TRRAP: variants seen among roughly 807,000 people sequenced by gnomAD.
TRRAP encodes the protein transformation/transcription domain associated protein, also known as transformation/transcription domain-associated protein.
In TRRAP, 41 loss-of-function variants were observed where a neutral mutation model predicts 438.8. The observed-to-expected ratio is 0.09, with a 90% CI of 0.07 to 0.12. The LOEUF is 0.12. Among genes scored for constraint, TRRAP ranks in the 10% least tolerant of loss-of-function variants. The probability of loss-of-function intolerance (pLI) is 1.00; values close to 1 mark genes in which losing one functional copy is unlikely to be tolerated. For synonymous variants in TRRAP, 1,994 were observed against 1,962.9 expected (o/e 1.02, Z -0.42); for missense variants, 3,122 against 5,055.1 (o/e 0.62, Z 11.60).
At chr7:98,992,269 T>C (rs1222172697) in intron 65 of TRRAP, 42 bp downstream of exon 65, 1 of 1,601,392 alleles carries the variant, frequency 6.2e-7, no homozygotes, top group South Asian at 1.1e-5. Flanking sequence ...CGGGAAGGGC[T>C]CATTCCAGGG....
At position 98,948,091 on chromosome 7, in the gene TRRAP, A is replaced by G; in HGVS notation, c.4549-130A>G. ...AAGGCTAGTAAGTTGTGGCTTTTAC[A>G]TGTGAACCCTTCGCTTCACTGCCTA... On this transcript the variant is annotated intron_variant, in intron 33 of 72. Transcript: ENST00000456197. This position sits in a 1 kb window ranked among gnomAD's most constrained non-coding sequence, Gnocchi z 4.9. 7.5e-7 allele frequency: 1 copy of G among 1,339,800 alleles called. No individual in the cohort carries two copies. Among genetic ancestry groups the G allele is most frequent in the Non-Finnish European group, 1.0e-6 (1 of 967,872 alleles). 83.0% of individuals were successfully genotyped at this position (1,339,800 alleles called of 1,614,324 possible).
chr7:98,882,518 A>G (rs1224129210), intron 3 of TRRAP, among the ~76,000 whole-genome samples: 2 of 151,540 alleles, frequency 1.3e-5, no homozygotes, highest in Admixed American at 6.6e-5. Flanking sequence ...GCCTGCTACC[A>G]TGCCTGGGTA....
intron 58 of TRRAP, among the ~76,000 whole-genome samples, chr7:98,979,520 A>G (rs778823643): frequency 1.3e-5 from 2 of 152,142 alleles, no homozygotes; most frequent in African/African-American, 2.4e-5. Context: ...TTTTCCATCC[A>G]CAGTTGGTCA....
At chr7:98,917,215 TTACA>T (rs2116444768) in intron 19 of TRRAP, among the ~76,000 whole-genome samples, 1 of 152,280 alleles carries the variant, frequency 6.6e-6, no homozygotes, top group Non-Finnish European at 1.5e-5. Context: ...TTTATAACAG[TTACA>T]TACGGCCTAC....
intron 64 of TRRAP, among the ~76,000 whole-genome samples, chr7:98,991,223 A>C (rs564673507): frequency 2.0e-5 from 3 of 152,226 alleles, no homozygotes; most frequent in Non-Finnish European, 4.4e-5. Context: ...GAAGGACCAG[A>C]AACGGCGGAA....
intron 63 of TRRAP, 29 bp downstream of exon 63, chr7:98,988,995 G>T: frequency 6.3e-7 from 1 of 1,597,436 alleles, no homozygotes; most frequent in East Asian, 2.2e-5. Flanking sequence ...GCTTTGACCA[G>T]AGGCCATCTG....
At chr7:98,897,310 G>T (rs1375202904) in intron 7 of TRRAP, among the ~76,000 whole-genome samples, 5 of 152,174 alleles carry the variant, frequency 3.3e-5, no homozygotes, top group African/African-American at 9.7e-5. Context: ...AAATTAATCA[G>T]TGGGGACTGC....
chr7:98,919,296 A>T (rs1380173416), intron 20 of TRRAP, among the ~76,000 whole-genome samples: 1 of 151,946 alleles, frequency 6.6e-6, no homozygotes, highest in Non-Finnish European at 1.5e-5. Context: ...GGCTTCATCT[A>T]GGCTGGAAGA....
chr7:98,983,215 T>C, intron 59 of TRRAP, 49 bp from the exon 60 acceptor site: 1 of 1,510,392 alleles, frequency 6.6e-7, no homozygotes, highest in African/African-American at 1.4e-5. Context: ...TTTTCCCGTT[T>C]GATCTTTACT....
At chr7:98,972,533 ACTGGGGGC>A (rs1430364877) in intron 53 of TRRAP, among the ~76,000 whole-genome samples, 3 of 152,224 alleles carry the variant, frequency 2.0e-5, no homozygotes, top group Non-Finnish European at 4.4e-5. Flanking sequence ...ACTTTGTGGA[ACTGGGGGC>A]CTCCAGGTGC....
At chr7:98,990,114 G>C (rs1175988028) in intron 63 of TRRAP, among the ~76,000 whole-genome samples, 2 of 152,170 alleles carry the variant, frequency 1.3e-5, no homozygotes, top group Non-Finnish European at 1.5e-5. Context: ...TGTAGTCCCA[G>C]CTACTGGGGA....
chr7:99,001,171 G>GTGTGCCC (rs1793902941), intron 67 of TRRAP, among the ~76,000 whole-genome samples: 1 of 152,216 alleles, frequency 6.6e-6, no homozygotes, highest in Non-Finnish European at 1.5e-5. Flanking sequence ...GAAGTGTGGC[G>GTGTGCCC]TGTGCCCTGC....
rs576389547 is a variant in TRRAP, at chr7:98,966,746, C to G, written c.7177-295C>G. Among the ~76,000 whole-genome samples, 3 of 151,714 alleles carry G rather than the reference C, an allele frequency of 2.0e-5. No individual in the cohort carries two copies. The South Asian group carries it at 6.3e-4, about 32-fold the overall frequency. ...CCTTTTTATGGCGATAAAGATAAGA[C>G]AAATAATACTTAAAGTAAAAGTAAT... On this transcript the variant is annotated intron_variant, in intron 49 of 72. Coordinates refer to ENST00000456197, the MANE Select transcript of TRRAP (RefSeq NM_001375524.1).
rs1554414465 is a variant in TRRAP, at chr7:98,937,264, C to G, written c.4220C>G (p.Ala1407Gly). Residue 1407 changes from alanine to glycine, a missense_variant, in exon 29 of 73, where the codon GCC becomes GGC. This residue lies in a region of TRRAP where 108 missense variants were observed against 256.9 expected (regional missense o/e 0.42). Coordinates refer to ENST00000456197, the MANE Select transcript of TRRAP (RefSeq NM_001375524.1). ...AGTGAGCTCCAAGAGGCCGGAGAAG[C>G]CTGTATGAGAAAGGTGAGTGTGTGT... ...TNSELQEAGE[A>G]CMRKFLEGAT... The G allele has an allele frequency of 1.9e-6, 3 of 1,612,274 alleles. No homozygotes were observed. The South Asian group carries it at 3.3e-5, about 18-fold the overall frequency.
At chr7:98,965,627 G>T in intron 48 of TRRAP, 69 bp from the exon 49 acceptor site, 1 of 1,602,246 alleles carries the variant, frequency 6.2e-7, no homozygotes, top group South Asian at 1.1e-5. Flanking sequence ...TGCCAGGCAA[G>T]GCTTAGTGGC....
At chr7:98,938,072 G>A (rs919622648) in intron 30 of TRRAP, among the ~76,000 whole-genome samples, 3 of 152,158 alleles carry the variant, frequency 2.0e-5, no homozygotes, top group African/African-American at 7.2e-5. Context: ...TACTTAGGGA[G>A]GCTGAGGCAG....
chr7:98,967,335 A>G (rs760844690), intron 50 of TRRAP, 150 bp from the exon 51 acceptor site: 175 of 1,236,934 alleles, frequency 1.4e-4, no homozygotes, highest in Non-Finnish European at 1.8e-4. Context: ...TTGTGTTGTA[A>G]TGCTGCATGA....
rs1554417482 is a variant in TRRAP, at chr7:98,948,830, T to G, written c.4788+145T>G. 3 of 1,363,602 alleles carry G rather than the reference T, an allele frequency of 2.2e-6. No homozygotes were observed. Among genetic ancestry groups the G allele is most frequent in the Non-Finnish European group, 2.0e-6 (2 of 1,015,338 alleles). The allele number at this position is 1,363,602 out of a possible 1,614,324, so 84.5% of individuals were successfully genotyped here. ...ATTTGAATATTGGAAACAGCATTGC[T>G]GTTTGGTTGTGTCTGTGAAATGTGC... On this transcript the variant is annotated intron_variant, in intron 35 of 72. Coordinates refer to ENST00000456197, the MANE Select transcript of TRRAP (RefSeq NM_001375524.1). This position sits in a 1 kb window ranked among gnomAD's most constrained non-coding sequence, Gnocchi z 4.9.
intron 25 of TRRAP, 104 bp from the exon 26 acceptor site, chr7:98,931,301 A>G (rs1206270484): frequency 4.6e-6 from 7 of 1,513,234 alleles, no homozygotes; most frequent in Non-Finnish European, 5.3e-6. Flanking sequence ...CGAGAAGGGC[A>G]TGGACCCCAG....
Sources: allele counts gnomAD v4.1 joint callset (sites outside exome capture counted in the v4.1 genomes callset), GRCh38; gene constraint gnomAD v4.1.1; regional missense constraint gnomAD v4.1.1; non-coding constraint Gnocchi (gnomAD v3.1); transcripts MANE v1.5; gene names NCBI Gene and HGNC (gene_info 2026-07-23, HGNC 2026-07-21).